Variants in ESYT3 observed in about 807,000 individuals in gnomAD.
ESYT3 encodes the protein extended synaptotagmin-3.
Under a neutral mutation model 111.5 loss-of-function variants are expected in ESYT3, and 101 were observed. That is an observed-to-expected ratio of 0.91 (90% CI 0.77 to 1.07). ESYT3 has a LOEUF of 1.07. Ranked by LOEUF, ESYT3 falls within the 50% of genes least tolerant of loss-of-function variation. The pLI is 0.00. For missense variants in ESYT3, 1,097 were observed against 1,109.4 expected, an observed-to-expected ratio of 0.99 and a Z score of 0.16; for synonymous variants, 416 against 446.8, an observed-to-expected ratio of 0.93 and a Z score of 0.87.
intron 2 of ESYT3, among the ~76,000 whole-genome samples, chr3:138,453,957 G>A (rs2032105929): frequency 6.6e-6 from 1 of 152,212 alleles, no homozygotes; most frequent in African/African-American, 2.4e-5. Context: ...AAGGAGTTGT[G>A]ACCCCGCTGT....
intron 2 of ESYT3, among the ~76,000 whole-genome samples, chr3:138,454,855 A>G (rs752703487): frequency 6.6e-6 from 1 of 152,222 alleles, no homozygotes; most frequent in Non-Finnish European, 1.5e-5. Flanking sequence ...TTTAAACCAC[A>G]GTGTAGAATG....
chr3:138,443,705 C>T (rs943624881), intron 1 of ESYT3, among the ~76,000 whole-genome samples: 75 of 148,784 alleles, frequency 5.0e-4, no homozygotes, highest in Middle Eastern at 3.4e-3. Context: ...TGTGTGTCTG[C>T]GTGTGTGTCC....
chr3:138,466,080 C>A (rs1482624870), intron 10 of ESYT3, among the ~76,000 whole-genome samples: 1 of 152,222 alleles, frequency 6.6e-6, no homozygotes, highest in Non-Finnish European at 1.5e-5. Context: ...CAAGTGGAAT[C>A]TCTGTGTATT....
In ESYT3 at chr3:138,455,211, GCC is replaced by G. The variant is rs749703058; in HGVS notation, c.389_390del (p.Pro130LeufsTer15). 6.2e-7 allele frequency: 1 copy of G among 1,614,152 alleles called. No homozygotes were observed. The highest frequency in any genetic ancestry group is 8.5e-7 in the Non-Finnish European group (1 of 1,180,034). On this transcript the variant is annotated frameshift_variant, in exon 3 of 23. Coordinates refer to ENST00000389567, the MANE Select transcript of ESYT3 (RefSeq NM_031913.5). LOFTEE classifies it high-confidence loss of function. ...CTTCACAGATCATCTCTCAGACCTG[GCC>G]CTACCTAAGCATGATCATGGAAAGC... The part of the protein sequence containing the change: ...WANKIISQTW[P>X]YLSMIMESKF...
intron 5 of ESYT3, among the ~76,000 whole-genome samples, chr3:138,459,486 G>A (rs948494074): frequency 2.8e-4 from 42 of 152,340 alleles, no homozygotes; most frequent in African/African-American, 9.1e-4. Context: ...GACTGCAAAG[G>A]CCCTGGGAGA....
At chr3:138,481,216 C>T (rs1242361385), downstream of ESYT3, 2 of 152,210 alleles carry the variant, frequency 1.3e-5, no homozygotes, top group African/African-American at 4.8e-5. Flanking sequence ...CCACACATCT[C>T]TCCGTGAAAA....
intron 4 of ESYT3, among the ~76,000 whole-genome samples, chr3:138,458,121 C>T (rs1289318755): frequency 6.6e-6 from 1 of 152,140 alleles, no homozygotes; most frequent in African/African-American, 2.4e-5. Flanking sequence ...AGATTCAGTC[C>T]AGGAAGCCTT....
chr3:138,472,606 A>T lies in ESYT3; in HGVS notation c.1984A>T (p.Thr662Ser), dbSNP rs35537868. The T allele has an allele frequency of 0.043, 69,416 of 1,614,160 alleles. 4,806 individuals are homozygous for T. Among genetic ancestry groups the T allele is most frequent in the East Asian group, 0.37 (16,550 of 44,876 alleles). Residue 662 changes from threonine to serine, a missense_variant, in exon 18 of 23, where the codon ACA becomes TCA. Physicochemically the swap from Thr to Ser is moderately conservative, Grantham distance 58 (BLOSUM62 1). Coordinates refer to ENST00000389567, the MANE Select transcript of ESYT3 (RefSeq NM_031913.5). ...TVATEPTSQETGPEPKGKDSA... is the reference protein window; with the variant it reads ...TVATEPTSQESGPEPKGKDSA... ...TGCCACTGAGCCCACATCCCAAGAG[A>T]CAGGCCCAGAGCCTAAAGGCAAGGA... is the stretch of plus-strand genomic sequence containing the variant.
chr3:138,437,652 C>T (rs757736565), intron 1 of ESYT3, among the ~76,000 whole-genome samples: 16 of 152,104 alleles, frequency 1.1e-4, no homozygotes, highest in Non-Finnish European at 2.4e-4. Flanking sequence ...CTGAAAGGCC[C>T]TTCAGAAAGC....
chr3:138,475,293 T>TA (rs35674255), intron 20 of ESYT3, among the ~76,000 whole-genome samples: 1 of 152,110 alleles, frequency 6.6e-6, no homozygotes, highest in African/African-American at 2.4e-5. Context: ...GCTAAGGGAT[T>TA]AAAAAAAATT....
At chr3:138,465,741 A>C (rs1179522955) in intron 10 of ESYT3, among the ~76,000 whole-genome samples, 1 of 152,152 alleles carries the variant, frequency 6.6e-6, no homozygotes, top group Non-Finnish European at 1.5e-5. Context: ...GCTGGCATGG[A>C]TGGCCAGATG....
chr3:138,475,905 G>A (rs568867133), intron 20 of ESYT3, among the ~76,000 whole-genome samples: 41 of 152,304 alleles, frequency 2.7e-4, no homozygotes, highest in African/African-American at 7.7e-4. Flanking sequence ...CAGCCTGGGC[G>A]ACAGAGCGAA....
At chr3:138,467,264 G>A (rs142655801) in intron 10 of ESYT3, among the ~76,000 whole-genome samples, 6 of 152,284 alleles carry the variant, frequency 3.9e-5, no homozygotes, top group Non-Finnish European at 7.4e-5. Context: ...CAAAATGCTA[G>A]TCGCACTGTC....
In ESYT3 at chr3:138,476,336, C is replaced by T. The variant is rs745392363; in HGVS notation, c.2574+8C>T. The T allele has an allele frequency of 4.4e-6, 7 of 1,608,354 alleles. No individual in the cohort carries two copies. The Admixed American group carries it at 5.0e-5, about 11-fold the overall frequency. Reference sequence around the variant, plus strand: ...AGAAAGGAGTTAGGAAAAGTAAGTACAAGAGATATTTGATATACCAAGGAG... The same window carrying T: ...AGAAAGGAGTTAGGAAAAGTAAGTATAAGAGATATTTGATATACCAAGGAG... On this transcript the variant is annotated splice_region_variant and intron_variant, in intron 21 of 22. Coordinates refer to ENST00000389567, the MANE Select transcript of ESYT3 (RefSeq NM_031913.5).
In ESYT3 at chr3:138,452,145, C is replaced by T. The variant is rs1238654353; in HGVS notation, c.369+56C>T. On this transcript the variant is annotated intron_variant, in intron 2 of 22. Transcript: ENST00000389567. ...GGACGCATGCCAGCCTCGTCCTCCC[C>T]GCGGCTGTCACCCCCACAGCCTGAT... 10 of 1,568,094 alleles carry T rather than the reference C, an allele frequency of 6.4e-6. No individual in the cohort carries two copies. The East Asian group carries it at 1.4e-4, about 21-fold the overall frequency.
downstream of ESYT3, chr3:138,479,931 T>G (rs924223306): frequency 4.6e-5 from 7 of 152,218 alleles, no homozygotes; most frequent in African/African-American, 1.7e-4. Context: ...TAAAAGGTGG[T>G]TAAGTTTTTC....
intron 11 of ESYT3, 79 bp from the exon 12 acceptor site, chr3:138,468,026 C>G: frequency 7.4e-7 from 1 of 1,348,320 alleles, no homozygotes; most frequent in South Asian, 1.2e-5. Flanking sequence ...GATGCCAGGT[C>G]TCAGGACTGG....
At position 138,468,897 on chromosome 3, in the gene ESYT3, G is replaced by C; in HGVS notation, c.1434+16G>C. On this transcript the variant is annotated intron_variant, in intron 14 of 22. Coordinates refer to ENST00000389567, the MANE Select transcript of ESYT3 (RefSeq NM_031913.5). ...GTTTGCCAGAGTGAGTGAGTATGTG[G>C]CTAAAAACTCCAGGGAGGGCAAATC... 1 of 1,613,966 alleles carries C rather than the reference G, an allele frequency of 6.2e-7. No homozygotes were observed. The highest frequency in any genetic ancestry group is 8.5e-7 in the Non-Finnish European group (1 of 1,179,848).
At chr3:138,462,441 CCT>C (rs1219650731) in intron 8 of ESYT3, 1 of 579,246 alleles carries the variant, frequency 1.7e-6, no homozygotes, top group Non-Finnish European at 3.0e-6. Flanking sequence ...TGGAATATTT[CCT>C]CTGTTTGTGA....
Sources: allele counts gnomAD v4.1 joint callset (sites outside exome capture counted in the v4.1 genomes callset), GRCh38; gene constraint gnomAD v4.1.1; transcripts MANE v1.5; gene names NCBI Gene and HGNC (gene_info 2026-07-23, HGNC 2026-07-21).